Variants in MITF observed in about 807,000 individuals in gnomAD.
MITF encodes microphthalmia-associated transcription factor.
MITF carries 17 observed loss-of-function variants against 60.5 expected under a neutral mutation model. The ratio of observed to expected loss-of-function variants is 0.28; its 90% CI spans 0.19 to 0.42. The LOEUF (loss-of-function observed/expected upper bound fraction) is 0.42, where lower values mean the gene tolerates loss of function less well. Among genes scored for constraint, MITF ranks in the 10% least tolerant of loss-of-function variants. MITF has a pLI of 1.00. For synonymous variants in MITF, 260 were observed against 248.5 expected (o/e 1.05, Z -0.43); for missense variants, 622 against 683.5 (o/e 0.91, Z 1.00).
At chr3:69,950,739 GA>G (rs1346729697) in intron 6 of MITF, among the ~76,000 whole-genome samples, 1 of 151,662 alleles carries the variant, frequency 6.6e-6, no homozygotes, top group African/African-American at 2.4e-5. Context: ...TATCACTTCT[GA>G]AAAGGAAATA....
intron 1 of MITF, among the ~76,000 whole-genome samples, chr3:69,803,325 C>T (rs1210745029): frequency 2.0e-5 from 3 of 152,144 alleles, no homozygotes; most frequent in Non-Finnish European, 4.4e-5. Context: ...TGTTGTCTGT[C>T]TTTTCATAAA....
intron 1 of MITF, among the ~76,000 whole-genome samples, chr3:69,860,473 C>T (rs2063993532): frequency 6.6e-6 from 1 of 151,882 alleles, no homozygotes; most frequent in African/African-American, 2.4e-5. Context: ...TGGCGGGCGC[C>T]TGTAGTCCCA....
At chr3:69,909,661 T>A (rs187788507) in intron 2 of MITF, among the ~76,000 whole-genome samples, 1 of 152,286 alleles carries the variant, frequency 6.6e-6, no homozygotes, top group African/African-American at 2.4e-5. Flanking sequence ...AGGTGACTCT[T>A]GTTATGTTTT....
At chr3:69,837,712 G>T (rs1469796709) in intron 1 of MITF, among the ~76,000 whole-genome samples, 12 of 152,168 alleles carry the variant, frequency 7.9e-5, no homozygotes, top group Admixed American at 7.9e-4. Flanking sequence ...TACCTGACCT[G>T]AAGTGACACA....
intron 1 of MITF, among the ~76,000 whole-genome samples, chr3:69,815,496 T>C (rs2063167488): frequency 6.6e-6 from 1 of 152,216 alleles, no homozygotes; most frequent in Non-Finnish European, 1.5e-5. Context: ...TTAGTAAATA[T>C]CTTTTCTTTC....
intron 5 of MITF, among the ~76,000 whole-genome samples, chr3:69,942,746 A>G (rs890834638): frequency 6.6e-6 from 1 of 152,122 alleles, no homozygotes; most frequent in Non-Finnish European, 1.5e-5. Flanking sequence ...AGGCCAAACT[A>G]CACTTATCTA....
chr3:69,806,357 A>T (rs2063008390), intron 1 of MITF, among the ~76,000 whole-genome samples: 1 of 152,080 alleles, frequency 6.6e-6, no homozygotes, highest in Non-Finnish European at 1.5e-5. Flanking sequence ...AAGTGCTGGG[A>T]TTACAGGTGT....
At chr3:69,954,164 G>A (rs1191260608) in intron 7 of MITF, among the ~76,000 whole-genome samples, 4 of 152,154 alleles carry the variant, frequency 2.6e-5, no homozygotes, top group African/African-American at 9.7e-5. Context: ...ACAGTGAAAG[G>A]TGTCAGCTAT....
intron 1 of MITF, among the ~76,000 whole-genome samples, chr3:69,748,326 C>T (rs1364619645): frequency 3.9e-5 from 6 of 152,086 alleles, no homozygotes; most frequent in African/African-American, 1.2e-4. Context: ...CTGCAACCTC[C>T]GTGCCCAGGT....
intron 1 of MITF, among the ~76,000 whole-genome samples, chr3:69,758,196 G>A (rs182913779): frequency 1.3e-5 from 2 of 151,410 alleles, no homozygotes; most frequent in African/African-American, 4.9e-5. Flanking sequence ...TTAAGACAGG[G>A]TCTCACTCCA....
chr3:69,800,152 T>G (rs2062894753), intron 1 of MITF, among the ~76,000 whole-genome samples: 1 of 152,156 alleles, frequency 6.6e-6, no homozygotes, highest in Admixed American at 6.5e-5. Context: ...TTAATCTACT[T>G]TGTCTTCATG....
chr3:69,922,629 A>C (rs2065493586), intron 2 of MITF, among the ~76,000 whole-genome samples: 2 of 152,302 alleles, frequency 1.3e-5, no homozygotes, highest in South Asian at 4.1e-4. Flanking sequence ...ACTGCTTCAC[A>C]ACTGAGTACG....
At chr3:69,789,749 G>A (rs1223412933) in intron 1 of MITF, among the ~76,000 whole-genome samples, 1 of 152,042 alleles carries the variant, frequency 6.6e-6, no homozygotes, top group East Asian at 1.9e-4. Context: ...CCACATACTT[G>A]GGAGGCTGAG....
At chr3:69,845,840 TA>T (rs1457067629) in intron 1 of MITF, among the ~76,000 whole-genome samples, 6 of 152,212 alleles carry the variant, frequency 3.9e-5, no homozygotes, top group African/African-American at 1.4e-4. Flanking sequence ...GGCTTTTCTT[TA>T]ATGTCCCTCT....
intron 1 of MITF, among the ~76,000 whole-genome samples, chr3:69,800,405 C>G (rs1179842983): frequency 6.6e-6 from 1 of 152,104 alleles, no homozygotes; most frequent in Non-Finnish European, 1.5e-5. Flanking sequence ...CTTTCTTGTA[C>G]AAGTTTTTGT....
intron 1 of MITF, among the ~76,000 whole-genome samples, chr3:69,779,671 A>G (rs1198076918): frequency 6.6e-6 from 1 of 152,166 alleles, no homozygotes; most frequent in Non-Finnish European, 1.5e-5. Flanking sequence ...ATGTCGATAG[A>G]AGTGAAATTG....
At chr3:69,743,008 AG>A (rs1249236630) in intron 1 of MITF, among the ~76,000 whole-genome samples, 7 of 152,190 alleles carry the variant, frequency 4.6e-5, no homozygotes, top group African/African-American at 1.4e-4. Context: ...CCAAGGGAAC[AG>A]GGTTTTCTGT....
At chr3:69,956,575 C>G in intron 8 of MITF, 45 bp downstream of exon 8, 1 of 1,497,098 alleles carries the variant, frequency 6.7e-7, no homozygotes, top group South Asian at 1.1e-5. Context: ...TTTTTCGTAC[C>G]TGAATGTTTT....
At chr3:69,958,263 G>A (rs2066448945) in intron 8 of MITF, among the ~76,000 whole-genome samples, 3 of 152,188 alleles carry the variant, frequency 2.0e-5, no homozygotes, top group African/African-American at 4.8e-5. Flanking sequence ...GGCTGCTAAA[G>A]TTACTTCTCT....
Sources: allele counts gnomAD v4.1 joint callset (sites outside exome capture counted in the v4.1 genomes callset), GRCh38; gene constraint gnomAD v4.1.1; transcripts MANE v1.5; gene names NCBI Gene and HGNC (gene_info 2026-07-23, HGNC 2026-07-21).